PRKAG2: variants seen among roughly 807,000 people sequenced by gnomAD.
PRKAG2 encodes the protein protein kinase AMP-activated non-catalytic subunit gamma 2.
In PRKAG2, 26 loss-of-function variants were observed where a neutral mutation model predicts 69.6. The ratio of observed to expected loss-of-function variants is 0.37; its 90% CI spans 0.27 to 0.52. The LOEUF is 0.52. Ranked by LOEUF, PRKAG2 falls within the 20% of genes least tolerant of loss-of-function variation. The probability of loss-of-function intolerance (pLI) is 0.90; values close to 1 mark genes in which losing one functional copy is unlikely to be tolerated. For synonymous variants in PRKAG2, 293 were observed against 285.0 expected (o/e 1.03, Z -0.28); for missense variants, 557 against 740.0 (o/e 0.75, Z 2.87).
chr7:151,712,138 G>A lies in PRKAG2; in HGVS notation c.467-36501C>T, dbSNP rs140471675. 8.2e-3 allele frequency among the ~76,000 whole-genome samples: 1,255 copies of A among 152,356 alleles called. 19 individuals carry two copies. Among genetic ancestry groups the A allele is most frequent in the African/African-American group, 0.028 (1,182 of 41,578 alleles). On this transcript the variant is annotated intron_variant, in intron 3 of 15. Transcript: ENST00000287878. ...CCGCGGCGCGTACGTGCATCACGTG[G>A]TGTAACATGACTGGGCGGCTCAGTG...
At chr7:151,826,433 T>C (rs1160206212) in intron 1 of PRKAG2, among the ~76,000 whole-genome samples, 1 of 152,164 alleles carries the variant, frequency 6.6e-6, no homozygotes, top group African/African-American at 2.4e-5. Context: ...TCCACTTGCC[T>C]TGGCCTCCCA....
rs2079123681 is a variant in PRKAG2, at chr7:151,835,343, ATTTTTT to A, written c.114+41158_114+41163del. Among the ~76,000 whole-genome samples the A allele has an allele frequency of 6.6e-6, 1 of 151,470 alleles. No homozygotes were observed. Among genetic ancestry groups the A allele is most frequent in the Non-Finnish European group, 1.5e-5 (1 of 67,908 alleles). On this transcript the variant is annotated intron_variant, in intron 1 of 15. Transcript: ENST00000287878. This position sits in a 1 kb window ranked among gnomAD's most constrained non-coding sequence, Gnocchi z 4.1. ...AAGTGATCCTCCAGGTAATATTTTT[ATTTTTT>A]ATTATTTTTATTATTTTTAATTTTT...
At chr7:151,798,816 C>T (rs1473260189) in intron 1 of PRKAG2, among the ~76,000 whole-genome samples, 1 of 152,164 alleles carries the variant, frequency 6.6e-6, no homozygotes, top group Non-Finnish European at 1.5e-5. Flanking sequence ...CCTCTCCGTA[C>T]TTTATGCCCA....
chr7:151,739,885 C>A (rs903774659), intron 3 of PRKAG2, among the ~76,000 whole-genome samples: 1 of 152,206 alleles, frequency 6.6e-6, no homozygotes, highest in Non-Finnish European at 1.5e-5. Flanking sequence ...AATCCAGAGA[C>A]CGTGCCTTCC....
rs202004436 is a variant in PRKAG2, at chr7:151,765,221, C to T, written c.466+15931G>A. ...CTACAGGAAGCATGGCTGGGGAGGCCTCAGGAAACTTACAATCATGGCAGA... is the reference window on the plus strand; with the variant it reads ...CTACAGGAAGCATGGCTGGGGAGGCTTCAGGAAACTTACAATCATGGCAGA... On this transcript the variant is annotated intron_variant, in intron 3 of 15. Coordinates refer to ENST00000287878, the MANE Select transcript of PRKAG2 (RefSeq NM_016203.4). 1.5e-4 allele frequency among the ~76,000 whole-genome samples: 23 copies of T among 152,244 alleles called. No homozygotes were observed. In the East Asian group the frequency reaches 4.2e-3, roughly 28 times the overall value.
intron 5 of PRKAG2, among the ~76,000 whole-genome samples, chr7:151,604,728 G>A (rs1378245885): frequency 1.3e-5 from 2 of 151,066 alleles, no homozygotes; most frequent in African/African-American, 4.9e-5. Flanking sequence ...TTTCCTTAAT[G>A]CCCTGTGTCT....
At chr7:151,744,010 C>A (rs1001803233) in intron 3 of PRKAG2, among the ~76,000 whole-genome samples, 1 of 152,138 alleles carries the variant, frequency 6.6e-6, no homozygotes, top group East Asian at 1.9e-4. Context: ...GAGCTGGGGG[C>A]GAGAGAGATG....
At chr7:151,813,839 C>G (rs964064778) in intron 1 of PRKAG2, among the ~76,000 whole-genome samples, 1 of 152,210 alleles carries the variant, frequency 6.6e-6, no homozygotes, top group Admixed American at 6.5e-5. Flanking sequence ...CCGCAGGAGG[C>G]CAAGATACCC....
Position 151,876,397 on chromosome 7 carries a change from C to T in PRKAG2, c.114+110G>A, listed in dbSNP as rs1318395335. 8.3e-6 allele frequency: 9 copies of T among 1,089,934 alleles called. No individual in the cohort carries two copies. In the East Asian group the frequency reaches 1.9e-4, roughly 23 times the overall value. The allele number at this position is 1,089,934 out of a possible 1,614,324, so 67.5% of individuals were successfully genotyped here. A position where few individuals can be genotyped will look rare whatever the true frequency, so the allele number is the denominator to read the frequency against. ...CCTTTCCCCAAGCCGCCCGAAGTGA[C>T]AGGAGGGGCACGCACGGCGCGCGCG... is the stretch of plus-strand genomic sequence containing the variant. On this transcript the variant is annotated intron_variant, in intron 1 of 15. Coordinates refer to ENST00000287878, the MANE Select transcript of PRKAG2 (RefSeq NM_016203.4).
In PRKAG2 at chr7:151,632,220, T is replaced by G; in HGVS notation, c.685-82A>C. Reference sequence around the variant, plus strand: ...GGCGGGCTCGCGGCCGGCCGAGCGCTGGGGCCTGGCTCTGCCGCGCCGCCG... The same window carrying G: ...GGCGGGCTCGCGGCCGGCCGAGCGCGGGGGCCTGGCTCTGCCGCGCCGCCG... On this transcript the variant is annotated intron_variant, in intron 4 of 15. Coordinates refer to ENST00000287878, the MANE Select transcript of PRKAG2 (RefSeq NM_016203.4). The surrounding 1 kb of genome is among the most constrained non-coding windows in gnomAD (Gnocchi z 4.2). 1 of 1,125,964 alleles carries G rather than the reference T, an allele frequency of 8.9e-7. No homozygotes were observed. The highest frequency in any genetic ancestry group is 1.7e-5 in the African/African-American group (1 of 60,150). The allele number at this position is 1,125,964 out of a possible 1,614,324, so 69.7% of individuals were successfully genotyped here. A position where few individuals can be genotyped will look rare whatever the true frequency, so the allele number is the denominator to read the frequency against.
intron 4 of PRKAG2, among the ~76,000 whole-genome samples, chr7:151,669,391 C>T (rs905507910): frequency 1.1e-4 from 16 of 152,356 alleles, no homozygotes; most frequent in African/African-American, 3.8e-4. Context: ...TAGTTGGCTG[C>T]ATTTGATGTC....
intron 3 of PRKAG2, among the ~76,000 whole-genome samples, chr7:151,735,041 AG>A: frequency 6.6e-6 from 1 of 151,914 alleles, no homozygotes; most frequent in Admixed American, 6.6e-5. Context: ...TTTTTAGTAG[AG>A]ACAGGGTTTC....
At position 151,867,202 on chromosome 7, in the gene PRKAG2, C is replaced by T. The variant is rs73728433; in HGVS notation, c.114+9305G>A. On this transcript the variant is annotated intron_variant, in intron 1 of 15. Transcript: ENST00000287878. ...GCAAGCCCCTGCCCTACAGCTCTAT[C>T]GGACGGAGGCTGTGGCTGCGCTGTG... Among the ~76,000 whole-genome samples, 187 of 152,306 alleles carry T rather than the reference C, an allele frequency of 1.2e-3. 1 individual carries two copies. The highest frequency in any genetic ancestry group is 4.4e-3 in the African/African-American group (183 of 41,546).
chr7:151,739,709 G>C (rs191240954), intron 3 of PRKAG2, among the ~76,000 whole-genome samples: 4 of 152,226 alleles, frequency 2.6e-5, no homozygotes, highest in African/African-American at 9.6e-5. Flanking sequence ...GGCTTCAAGT[G>C]ATCCACCCGC....
At position 151,564,222 on chromosome 7, in the gene PRKAG2, A is replaced by G. The variant is rs397517265; in HGVS notation, c.1440T>C (p.Asn480=). 2 of 1,613,996 alleles carry G rather than the reference A, an allele frequency of 1.2e-6. No homozygotes were observed. The highest frequency in any genetic ancestry group is 1.3e-5 in the African/African-American group (1 of 74,930). ...TATTGTATGTTTTCTCAGCAGCAAG[A>G]TTCTGTAATGAAGCAAGAGAATAAA... ...VDIYSKFDVI[N]LAAEKTYNNL... The change falls in exon 14 of 16, where the codon AAT becomes AAC. Residue 480 remains asparagine (N), a splice_region_variant and synonymous_variant. Transcript: ENST00000287878.
chr7:151,827,982 G>A (rs764372564), intron 1 of PRKAG2, among the ~76,000 whole-genome samples: 3 of 152,102 alleles, frequency 2.0e-5, no homozygotes, highest in Non-Finnish European at 2.9e-5. Context: ...TTCCCATCCA[G>A]TCCAGAAAAA....
chr7:151,679,747 T>C (rs1415513424), intron 3 of PRKAG2, among the ~76,000 whole-genome samples: 1 of 152,092 alleles, frequency 6.6e-6, no homozygotes, highest in Non-Finnish European at 1.5e-5. Flanking sequence ...AGTAGCTATG[T>C]CCATCCCTGA....
At chr7:151,711,709 T>C (rs752094593) in intron 3 of PRKAG2, among the ~76,000 whole-genome samples, 1 of 152,212 alleles carries the variant, frequency 6.6e-6, no homozygotes, top group Admixed American at 6.5e-5. Flanking sequence ...ATTTATCAAA[T>C]GTGTTGAAGG....
intron 1 of PRKAG2, among the ~76,000 whole-genome samples, chr7:151,847,100 G>A (rs1013957598): frequency 6.6e-6 from 1 of 152,226 alleles, no homozygotes; most frequent in South Asian, 2.1e-4. Flanking sequence ...GGGGATGCCC[G>A]AGAGGGAAAT....
Sources: allele counts gnomAD v4.1 joint callset (sites outside exome capture counted in the v4.1 genomes callset), GRCh38; gene constraint gnomAD v4.1.1; non-coding constraint Gnocchi (gnomAD v3.1); transcripts MANE v1.5; gene names NCBI Gene and HGNC (gene_info 2026-07-23, HGNC 2026-07-21).